The following ADAM28 variants were observed in gnomAD, a reference collection of about 807,000 sequenced individuals.
ADAM28 encodes disintegrin and metalloproteinase domain-containing protein 28.
In ADAM28, 105 loss-of-function variants were observed where a neutral mutation model predicts 101.2. The ratio of observed to expected loss-of-function variants is 1.04; its 90% CI spans 0.89 to 1.22. The LOEUF is 1.22. ADAM28 is among the 50% of genes most tolerant of loss of function. ADAM28 has a pLI of 0.00. For synonymous variants in ADAM28, 322 were observed against 310.6 expected, an observed-to-expected ratio of 1.04 and a Z score of -0.39; for missense variants, 1,028 against 945.4, an observed-to-expected ratio of 1.09 and a Z score of -1.15.
At chr8:24,347,457 C>G (rs182542935) in intron 18 of ADAM28, among the ~76,000 whole-genome samples, 66 of 151,316 alleles carry the variant, frequency 4.4e-4, no homozygotes, top group Middle Eastern at 3.4e-3. Context: ...TATTTTTTGG[C>G]TATTTTATAT....
At chr8:24,343,012 C>T in intron 16 of ADAM28, 89 bp from the exon 17 acceptor site, 1 of 1,573,994 alleles carries the variant, frequency 6.4e-7, no homozygotes. Context: ...CCACCTTAAA[C>T]AACATCTGCT....
At chr8:24,338,205 T>C (rs1359707795) in intron 14 of ADAM28, among the ~76,000 whole-genome samples, 1 of 151,676 alleles carries the variant, frequency 6.6e-6, no homozygotes, top group Non-Finnish European at 1.5e-5. Context: ...CTGAAAAACA[T>C]CTCAAAATCC....
chr8:24,350,788 C>T (rs971206318), intron 19 of ADAM28, among the ~76,000 whole-genome samples: 1 of 151,760 alleles, frequency 6.6e-6, no homozygotes, highest in African/African-American at 2.4e-5. Context: ...AGATTATTAG[C>T]AAACATGCTT....
chr8:24,312,893 A>G (rs1183634938), intron 5 of ADAM28, among the ~76,000 whole-genome samples: 12 of 152,182 alleles, frequency 7.9e-5, no homozygotes, highest in African/African-American at 1.7e-4. Context: ...CTCTCATTCA[A>G]TCTTTACTAT....
In ADAM28 at chr8:24,353,790, T is replaced by C; in HGVS notation, c.2265T>C (p.Leu755=). ...CGTAGCATAAAGACACAAACGCACT[T>C]CCCCCTACTGTTTTCAAGGATAATC... ...PASFHKDTNA[L]PPTVFKDNPV... The change falls in exon 22 of 23, where the codon CTT becomes CTC. Residue 755 remains leucine, a synonymous_variant. Coordinates refer to ENST00000265769, the MANE Select transcript of ADAM28 (RefSeq NM_014265.6). 6.6e-7 allele frequency: 1 copy of C among 1,519,412 alleles called. No individual in the cohort carries two copies. Among genetic ancestry groups the C allele is most frequent in the Admixed American group, 1.7e-5 (1 of 59,660 alleles). 94.1% of individuals were successfully genotyped at this position (1,519,412 alleles called of 1,614,324 possible).
At chr8:24,300,184 TTA>T in intron 2 of ADAM28, 107 bp downstream of exon 2, 19 of 914,086 alleles carry the variant, frequency 2.1e-5, no homozygotes, top group East Asian at 5.2e-5. Flanking sequence ...ACATGTATGT[TTA>T]TATATGTGTG....
chr8:24,346,162 T>G (rs28729559), intron 18 of ADAM28, among the ~76,000 whole-genome samples: 2,680 of 152,208 alleles, frequency 0.018, 96 homozygotes, highest in African/African-American at 0.06. Flanking sequence ...AATTACATTT[T>G]TATTTTCATT....
At chr8:24,344,325 C>T (rs148469782) in intron 18 of ADAM28, among the ~76,000 whole-genome samples, 88 of 152,240 alleles carry the variant, frequency 5.8e-4, no homozygotes, top group African/African-American at 2.0e-3. Context: ...ATCTCATTGA[C>T]GCTCCCCTCT....
At chr8:24,336,600 GAAAAAAAAAGAAA>G (rs2129319049) in intron 14 of ADAM28, among the ~76,000 whole-genome samples, 1 of 116,766 alleles carries the variant, frequency 8.6e-6, no homozygotes, top group African/African-American at 3.2e-5. Flanking sequence ...AAAAAAAAAA[GAAAAAAAAAGAAA>G]AATAACTTTA....
chr8:24,337,538 T>C (rs11135791), intron 14 of ADAM28, among the ~76,000 whole-genome samples: 26,819 of 152,200 alleles, frequency 0.18, 2,499 homozygotes, highest in East Asian at 0.35. Context: ...CAGCACAGTG[T>C]CTGGCTTTAG....
rs915028674 is a variant in ADAM28, at chr8:24,358,905, G to A, written c.*4501G>A. ...ATTAAATGACTAAGATGACTAAGTC[G>A]TTTATGTTGCTCCCACCTCACACAA... On this transcript the variant is annotated 3_prime_UTR_variant, in exon 23 of 23. Coordinates refer to ENST00000265769, the MANE Select transcript of ADAM28 (RefSeq NM_014265.6). The A allele has an allele frequency of 1.3e-5, 2 of 152,092 alleles. No homozygotes were observed. The highest frequency in any genetic ancestry group is 1.3e-4 in the Admixed American group (2 of 15,248). The allele number at this position is 152,092 out of a possible 1,614,324, so 9.4% of individuals were successfully genotyped here.
At chr8:24,300,657 C>T (rs987929435) in intron 2 of ADAM28, among the ~76,000 whole-genome samples, 1 of 152,090 alleles carries the variant, frequency 6.6e-6, no homozygotes, top group Admixed American at 6.5e-5. Context: ...ACCTTGTGAT[C>T]CGCCCGCCTC....
intron 19 of ADAM28, among the ~76,000 whole-genome samples, chr8:24,350,375 G>A (rs1443499630): frequency 6.6e-6 from 1 of 152,016 alleles, no homozygotes; most frequent in East Asian, 1.9e-4. Flanking sequence ...GCGATGCTGC[G>A]ATCTCGGCTC....
chr8:24,331,025 T>G, intron 11 of ADAM28, 125 bp from the exon 12 acceptor site: 1 of 880,046 alleles, frequency 1.1e-6, no homozygotes, highest in Non-Finnish European at 1.7e-6. Flanking sequence ...GATCTGGCAG[T>G]TGGTCAGTGG....
chr8:24,354,939 G>T lies in ADAM28; in HGVS notation c.*535G>T, dbSNP rs1816576318. 1.3e-5 allele frequency: 2 copies of T among 152,458 alleles called. No homozygotes were observed. Among genetic ancestry groups the T allele is most frequent in the Non-Finnish European group, 2.9e-5 (2 of 67,996 alleles). The allele number at this position is 152,458 out of a possible 1,614,324, so 9.4% of individuals were successfully genotyped here. A position where few individuals can be genotyped will look rare whatever the true frequency, so the allele number is the denominator to read the frequency against. On this transcript the variant is annotated 3_prime_UTR_variant, in exon 23 of 23. Transcript: ENST00000265769. ...GTTTTCTACAATTTGGTATAACTAA[G>T]AATTTAAAAATGTTTTATCATATAT...
At chr8:24,297,667 G>A (rs1458961722) in intron 1 of ADAM28, among the ~76,000 whole-genome samples, 1 of 152,226 alleles carries the variant, frequency 6.6e-6, no homozygotes, top group Non-Finnish European at 1.5e-5. Context: ...GCACGTGGGT[G>A]CCTTATGGTA....
chr8:24,347,196 C>G (rs142607897), intron 18 of ADAM28, among the ~76,000 whole-genome samples: 306 of 152,180 alleles, frequency 2.0e-3, no homozygotes, highest in African/African-American at 7.0e-3. Flanking sequence ...CCCCTTTACT[C>G]TATTAGTACT....
intron 19 of ADAM28, 128 bp downstream of exon 19, chr8:24,350,100 T>C (rs1260761221): frequency 1.4e-6 from 1 of 734,070 alleles, no homozygotes; most frequent in African/African-American, 1.8e-5. Context: ...TACATGCAGA[T>C]GGTCTTTTTG....
At chr8:24,325,782 C>T (rs983720785) in intron 9 of ADAM28, among the ~76,000 whole-genome samples, 28 of 142,770 alleles carry the variant, frequency 2.0e-4, no homozygotes, top group African/African-American at 6.0e-4. Context: ...CAATTTCCCA[C>T]GTAAGTGCAT....
Sources: allele counts gnomAD v4.1 joint callset (sites outside exome capture counted in the v4.1 genomes callset), GRCh38; gene constraint gnomAD v4.1.1; transcripts MANE v1.5; gene names NCBI Gene and HGNC (gene_info 2026-07-23, HGNC 2026-07-21).